LRRC37A2: variants seen among roughly 807,000 people sequenced by gnomAD.
LRRC37A2 encodes leucine rich repeat containing 37 member A2, also known as leucine-rich repeat-containing protein 37A2.
In LRRC37A2, 9 loss-of-function variants were observed where a neutral mutation model predicts 68.8. The observed-to-expected ratio is 0.13, with a 90% CI of 0.08 to 0.23. The LOEUF (loss-of-function observed/expected upper bound fraction) is 0.23. Among genes scored for constraint, LRRC37A2 ranks in the 10% least tolerant of loss-of-function variants. LRRC37A2 has a pLI of 1.00. For missense variants in LRRC37A2, 168 were observed against 950.4 expected (o/e 0.18, Z 10.82); for synonymous variants, 63 against 367.6 (o/e 0.17, Z 9.48).
the LRRC37A2 span, chr17:46,876,221 G>A: frequency 5.7e-6 from 9 of 1,574,870 alleles, no homozygotes; most frequent in African/African-American, 1.3e-5. Context: ...CTCTGACCAC[G>A]CCTCTGTTCT....
At chr17:47,000,322 C>T in the LRRC37A2 span, among the ~76,000 whole-genome samples, 1 of 151,296 alleles carries the variant, frequency 6.6e-6, no homozygotes, top group Admixed American at 6.6e-5. Flanking sequence ...GCAGCCTCCA[C>T]CTCCCGGGTT....
the LRRC37A2 span, among the ~76,000 whole-genome samples, chr17:46,681,555 T>C: frequency 2.8e-5 from 4 of 143,094 alleles, no homozygotes; most frequent in Non-Finnish European, 4.4e-5. Context: ...ATATAACATC[T>C]CGTCTTCAAA....
At chr17:46,933,789 AT>A in the LRRC37A2 span, among the ~76,000 whole-genome samples, 1 of 151,898 alleles carries the variant, frequency 6.6e-6, no homozygotes, top group Admixed American at 6.6e-5. Context: ...ATGGTGAGAC[AT>A]TGTCTCTACA....
At chr17:46,779,053 T>TCACA in the LRRC37A2 span, among the ~76,000 whole-genome samples, 4,986 of 100,534 alleles carry the variant, frequency 0.05, 173 homozygotes, top group African/African-American at 0.062. Flanking sequence ...CCCTACCCCA[T>TCACA]CACACACACA....
the LRRC37A2 span, among the ~76,000 whole-genome samples, chr17:47,000,236 CTTTT>C: frequency 1.7e-5 from 2 of 120,936 alleles, no homozygotes. Flanking sequence ...TTGTTTTTTG[CTTTT>C]TTTTTTTTTT....
chr17:46,914,940 C>T, the LRRC37A2 span, among the ~76,000 whole-genome samples: 1 of 152,196 alleles, frequency 6.6e-6, no homozygotes, highest in African/African-American at 2.4e-5. Context: ...ACTCATTACA[C>T]ACTCGTACAC....
the LRRC37A2 span, chr17:46,939,708 T>A: frequency 1.0e-6 from 1 of 985,436 alleles, no homozygotes; most frequent in South Asian, 4.7e-5. Context: ...TGTGGGCAGA[T>A]CCCACCGTGG....
At chr17:46,404,731 G>A in the LRRC37A2 span, among the ~76,000 whole-genome samples, 5 of 100,742 alleles carry the variant, frequency 5.0e-5, 2 homozygotes, top group African/African-American at 1.6e-4. Flanking sequence ...TTAGCCGGGC[G>A]TGGTGGTGGG....
chr17:46,725,928 T>G, the LRRC37A2 span, among the ~76,000 whole-genome samples: 1 of 152,226 alleles, frequency 6.6e-6, no homozygotes, highest in Non-Finnish European at 1.5e-5. Flanking sequence ...GATTTGAAAT[T>G]ACTACATCCT....
chr17:46,575,285 G>C, the LRRC37A2 span, among the ~76,000 whole-genome samples: 63,719 of 107,942 alleles, frequency 0.59, 24,986 homozygotes, highest in Middle Eastern at 0.82. Flanking sequence ...TTAACAAGCC[G>C]GTAAAACACA....
chr17:46,811,122 A>AAGGGAAATGCTGATGTCAACTCAG, the LRRC37A2 span, among the ~76,000 whole-genome samples: 13 of 145,352 alleles, frequency 8.9e-5, no homozygotes, highest in Admixed American at 1.4e-4. Context: ...CAGGCTGCAA[A>AAGGGAAATGCTGATGTCAACTCAG]CAGATAAATC....
chr17:46,935,442 AGTGCTACTACGAGGGGT>A, the LRRC37A2 span: 1 of 1,415,616 alleles, frequency 7.1e-7, no homozygotes, highest in Non-Finnish European at 9.2e-7. Flanking sequence ...CATGAAAGTG[AGTGCTACTACGAGGGGT>A]CCAATCACAG....
chr17:47,022,886 A>C, the LRRC37A2 span, among the ~76,000 whole-genome samples: 1 of 152,272 alleles, frequency 6.6e-6, no homozygotes, highest in Admixed American at 6.5e-5. Flanking sequence ...ATCCCTGTAC[A>C]TGCTTCTTTG....
the LRRC37A2 span, among the ~76,000 whole-genome samples, chr17:46,851,397 T>TG: frequency 8.9e-5 from 12 of 135,440 alleles, no homozygotes; most frequent in Admixed American, 4.3e-4. This position sits in a 1 kb window ranked among gnomAD's most constrained non-coding sequence, Gnocchi z 4.3. Context: ...GGCGGGGCAA[T>TG]GGGGGAGGGG....
the LRRC37A2 span, among the ~76,000 whole-genome samples, chr17:46,769,069 C>A: frequency 4.6e-5 from 7 of 152,222 alleles, no homozygotes; most frequent in Non-Finnish European, 1.0e-4. Flanking sequence ...GTAATCCCAG[C>A]ACCTTGGGAG....
chr17:46,751,984 T>C, the LRRC37A2 span, among the ~76,000 whole-genome samples: 1 of 152,152 alleles, frequency 6.6e-6, no homozygotes, highest in Non-Finnish European at 1.5e-5. Flanking sequence ...ATCACCAGGT[T>C]ATTGATGGAG....
At chr17:46,659,820 T>G in the LRRC37A2 span, among the ~76,000 whole-genome samples, 2 of 143,310 alleles carry the variant, frequency 1.4e-5, no homozygotes, top group Admixed American at 1.4e-4. Context: ...TTCTCAGCAT[T>G]GGGGCCTTGT....
the LRRC37A2 span, among the ~76,000 whole-genome samples, chr17:46,795,750 G>A: frequency 2.0e-4 from 31 of 152,252 alleles, no homozygotes; most frequent in African/African-American, 7.2e-4. Context: ...AGCCCCACCC[G>A]GGGATCTCTG....
chr17:46,779,103 A>ACACACACACCCCCCCC, the LRRC37A2 span, among the ~76,000 whole-genome samples: 3 of 133,662 alleles, frequency 2.2e-5, no homozygotes, highest in East Asian at 2.6e-4. Flanking sequence ...ACACACACAC[A>ACACACACACCCCCCCC]CCCCAGCCCA....
Sources: allele counts gnomAD v4.1 joint callset (sites outside exome capture counted in the v4.1 genomes callset), GRCh38; gene constraint gnomAD v4.1.1; non-coding constraint Gnocchi (gnomAD v3.1); transcripts MANE v1.5; gene names NCBI Gene and HGNC (gene_info 2026-07-23, HGNC 2026-07-21).